The following FYB2 variants were observed in gnomAD, a reference collection of about 807,000 sequenced individuals.
The protein encoded by FYB2 is FYN binding protein 2.
FYB2 carries 103 observed loss-of-function variants against 94.1 expected under a neutral mutation model. The ratio of observed to expected loss-of-function variants is 1.09; its 90% CI spans 0.93 to 1.29. FYB2 has a LOEUF of 1.29. Ranked by LOEUF, FYB2 falls within the 50% of genes most tolerant of loss-of-function variation. The pLI is 0.00. For synonymous variants in FYB2, 293 were observed against 287.9 expected, an observed-to-expected ratio of 1.02 and a Z score of -0.18; for missense variants, 896 against 841.5, an observed-to-expected ratio of 1.06 and a Z score of -0.80.
chr1:56,739,953 C>T (rs543000288), intron 13 of FYB2, among the ~76,000 whole-genome samples: 1 of 152,028 alleles, frequency 6.6e-6, no homozygotes, highest in Admixed American at 6.6e-5. Flanking sequence ...TGAGGTGCAC[C>T]TGAATATCTA....
At position 56,755,990 on chromosome 1, in the gene FYB2, G is replaced by T; in HGVS notation, c.1099-63C>A. 2.0e-6 allele frequency: 3 copies of T among 1,509,674 alleles called. No homozygotes were observed. In the Admixed American group the frequency reaches 5.1e-5, roughly 26 times the overall value. The allele number at this position is 1,509,674 out of a possible 1,614,324, so 93.5% of individuals were successfully genotyped here. On this transcript the variant is annotated intron_variant, in intron 6 of 19. Transcript: ENST00000343433. ...AACCTGAATCAGGCTCTGTTGTTTG[G>T]TTACAGATCATTAGAGACTACACCA...
At chr1:56,798,394 G>A (rs901632699) in intron 1 of FYB2, among the ~76,000 whole-genome samples, 2 of 152,126 alleles carry the variant, frequency 1.3e-5, no homozygotes, top group African/African-American at 4.8e-5. Context: ...AAAAGACAGT[G>A]GTGTCCTCTA....
intron 9 of FYB2, among the ~76,000 whole-genome samples, chr1:56,744,713 A>T (rs940497239): frequency 6.6e-6 from 1 of 151,964 alleles, no homozygotes; most frequent in Non-Finnish European, 1.5e-5. Context: ...TTGAGCACAT[A>T]TCAATATATA....
chr1:56,753,839 C>T lies in FYB2; in HGVS notation c.1227G>A (p.Lys409=), dbSNP rs1383070370. 6.3e-7 allele frequency: 1 copy of T among 1,599,150 alleles called. No homozygotes were observed. The highest frequency in any genetic ancestry group is 8.6e-7 in the Non-Finnish European group (1 of 1,167,080). The part of the protein sequence containing the change: ...EKEPYSNHVF[K]VDACEGTPEK... ...TGCAGGAACCGTAGAACATAGGTAC[C>T]TTGAAAACATGGTTTGAATATGGTT... The change falls in exon 8 of 20, where the codon AAG becomes AAA. Residue 409 remains lysine, a splice_region_variant and synonymous_variant. Coordinates refer to ENST00000343433, the MANE Select transcript of FYB2 (RefSeq NM_001004303.5).
At chr1:56,818,112 A>C (rs1370475064) in intron 1 of FYB2, among the ~76,000 whole-genome samples, 1 of 152,148 alleles carries the variant, frequency 6.6e-6, no homozygotes, top group Non-Finnish European at 1.5e-5. Context: ...AAGCACGCTA[A>C]ATCTATTCAG....
At chr1:56,789,286 G>A (rs1291971875) in intron 2 of FYB2, 152 bp from the exon 3 acceptor site, 3 of 859,956 alleles carry the variant, frequency 3.5e-6, no homozygotes, top group Non-Finnish European at 3.5e-6. Flanking sequence ...AACCTGATCA[G>A]TTGCCATGCT....
chr1:56,818,455 AACACACACACACACAC>A (rs3991685), intron 1 of FYB2, among the ~76,000 whole-genome samples: 55 of 139,966 alleles, frequency 3.9e-4, no homozygotes, highest in African/African-American at 1.2e-3. Context: ...GTATGGAAGC[AACACACACACACACAC>A]ACACACACAC....
At chr1:56,814,983 T>C (rs1440563287) in intron 1 of FYB2, among the ~76,000 whole-genome samples, 1 of 152,144 alleles carries the variant, frequency 6.6e-6, no homozygotes, top group East Asian at 1.9e-4. Context: ...CTCAGTGATA[T>C]TTAGTTGGAC....
At chr1:56,733,430 C>T (rs1336711868) in intron 15 of FYB2, among the ~76,000 whole-genome samples, 1 of 152,064 alleles carries the variant, frequency 6.6e-6, no homozygotes, top group Non-Finnish European at 1.5e-5. Context: ...GTCTCTATCT[C>T]CTTCAGTTCT....
intron 1 of FYB2, among the ~76,000 whole-genome samples, chr1:56,801,848 G>A (rs1025066464): frequency 2.6e-5 from 4 of 152,148 alleles, no homozygotes; most frequent in African/African-American, 9.7e-5. Flanking sequence ...AGTTACTTGG[G>A]TATGTGTAAA....
intron 5 of FYB2, among the ~76,000 whole-genome samples, chr1:56,763,446 A>G (rs1282229907): frequency 6.6e-6 from 1 of 152,182 alleles, no homozygotes; most frequent in Non-Finnish European, 1.5e-5. Flanking sequence ...TTACAGGGCT[A>G]ATCAAATTAT....
intron 4 of FYB2, among the ~76,000 whole-genome samples, chr1:56,768,169 C>G (rs1294948905): frequency 6.6e-6 from 1 of 152,074 alleles, no homozygotes; most frequent in Non-Finnish European, 1.5e-5. Context: ...ATCAATAAAG[C>G]AAAATCCCCA....
chr1:56,782,148 T>G (rs1646023190), intron 4 of FYB2, among the ~76,000 whole-genome samples: 1 of 152,202 alleles, frequency 6.6e-6, no homozygotes, highest in Non-Finnish European at 1.5e-5. Flanking sequence ...TATTTTGAAA[T>G]GTACAATAGA....
At chr1:56,770,546 G>GT (rs888946130) in intron 4 of FYB2, among the ~76,000 whole-genome samples, 3 of 152,086 alleles carry the variant, frequency 2.0e-5, no homozygotes, top group African/African-American at 7.2e-5. Flanking sequence ...GAATTAATCA[G>GT]TTTTAAAAAT....
intron 15 of FYB2, among the ~76,000 whole-genome samples, chr1:56,727,003 A>G (rs1644598664): frequency 6.6e-6 from 1 of 152,078 alleles, no homozygotes; most frequent in African/African-American, 2.4e-5. Flanking sequence ...CCATTGTGAA[A>G]CAAGGCTAAG....
In FYB2 at chr1:56,755,970, G is replaced by C. The variant is rs371178302; in HGVS notation, c.1099-43C>G. ...AATGGTTATTTTCATAAATCAACCT[G>C]AATCAGGCTCTGTTGTTTGGTTACA... On this transcript the variant is annotated intron_variant, in intron 6 of 19. Transcript: ENST00000343433. 22 of 1,570,376 alleles carry C rather than the reference G, an allele frequency of 1.4e-5. No individual in the cohort carries two copies. The African/African-American group carries it at 1.9e-4, about 14-fold the overall frequency.
intron 15 of FYB2, among the ~76,000 whole-genome samples, chr1:56,732,144 A>G (rs1347609482): frequency 6.6e-6 from 1 of 152,196 alleles, no homozygotes; most frequent in African/African-American, 2.4e-5. Context: ...TTTAGGATAC[A>G]AAATCAACAT....
chr1:56,720,031 A>G lies in FYB2; in HGVS notation c.2156T>C (p.Leu719Pro). 1 of 1,601,560 alleles carries G rather than the reference A, an allele frequency of 6.2e-7. No homozygotes were observed. Among genetic ancestry groups the G allele is most frequent in the East Asian group, 2.2e-5 (1 of 44,668 alleles). The change falls in exon 19 of 20, where the codon CTA becomes CCA. Residue 719 changes from leucine to proline, a missense_variant. Physicochemically the swap from Leu to Pro is moderately conservative, Grantham distance 98 (BLOSUM62 -3). Transcript: ENST00000343433. Reference protein sequence around the residue: ...GKYGYVLIEHLDFKHQSWSP With the variant: ...GKYGYVLIEHPDFKHQSWSP ...AAATCAAACAGCTTACTTGAAATCT[A>G]GATGTTCAATGAGCACATATCCATC...
upstream of FYB2, among the ~76,000 whole-genome samples, chr1:56,821,730 C>T (rs1442963200): frequency 6.6e-6 from 1 of 152,160 alleles, no homozygotes; most frequent in African/African-American, 2.4e-5. Flanking sequence ...AATGAAGTAG[C>T]ATCATTTTAT....
Sources: gnomAD v4.1 joint callset for allele counts (sites outside exome capture counted in the v4.1 genomes callset) on GRCh38, gnomAD v4.1.1 for gene constraint, MANE v1.5 for transcripts, NCBI Gene and HGNC (gene_info 2026-07-23, HGNC 2026-07-21) for gene names.